The following CALN1 variants were observed in gnomAD, a reference collection of about 807,000 sequenced individuals.
CALN1 encodes calcium-binding protein 8.
Under a neutral mutation model 30.6 loss-of-function variants are expected in CALN1, and 17 were observed. The ratio of observed to expected loss-of-function variants is 0.56; its 90% CI spans 0.38 to 0.83. The LOEUF (loss-of-function observed/expected upper bound fraction) is 0.83, where lower values mean the gene tolerates loss of function less well. CALN1 is among the 40% of genes least tolerant of loss of function. CALN1 has a pLI of 0.00. For synonymous variants in CALN1, 156 were observed against 131.4 expected, an observed-to-expected ratio of 1.19 and a Z score of -1.28; for missense variants, 291 against 354.9, an observed-to-expected ratio of 0.82 and a Z score of 1.45.
intron 1 of CALN1, among the ~76,000 whole-genome samples, chr7:72,424,829 T>G (rs958145308): frequency 6.6e-6 from 1 of 152,098 alleles, no homozygotes; most frequent in African/African-American, 2.4e-5. Context: ...GCCCCTAGCC[T>G]CAAAAGATTC....
At chr7:72,229,265 T>TG (rs1793913010) in intron 3 of CALN1, among the ~76,000 whole-genome samples, 1 of 151,944 alleles carries the variant, frequency 6.6e-6, no homozygotes, top group Non-Finnish European at 1.5e-5. Context: ...GATCTTGAGA[T>TG]GGGGGTATTA....
intron 4 of CALN1, among the ~76,000 whole-genome samples, chr7:72,026,422 C>A (rs952374790): frequency 1.3e-5 from 2 of 152,020 alleles, no homozygotes; most frequent in Non-Finnish European, 2.9e-5. Flanking sequence ...CCCATCTCTA[C>A]AAAAAATACA....
intron 2 of CALN1, among the ~76,000 whole-genome samples, chr7:72,284,804 T>C (rs1294164724): frequency 1.3e-5 from 2 of 152,030 alleles, no homozygotes; most frequent in Non-Finnish European, 2.9e-5. Context: ...CTCTTTAAAG[T>C]TATACAGATA....
intron 2 of CALN1, among the ~76,000 whole-genome samples, chr7:72,356,720 T>C (rs118133793): frequency 0.014 from 2,097 of 152,092 alleles, 22 homozygotes; most frequent in Middle Eastern, 0.024. Flanking sequence ...CTGATTGACA[T>C]AGTAAATAAT....
chr7:72,322,780 ATTTAAT>A (rs1330849567), intron 2 of CALN1, among the ~76,000 whole-genome samples: 1 of 151,960 alleles, frequency 6.6e-6, no homozygotes, highest in Non-Finnish European at 1.5e-5. Context: ...GTCAAAAATA[ATTTAAT>A]TTTAAATTTA....
chr7:72,335,778 G>T (rs868549543), intron 2 of CALN1, among the ~76,000 whole-genome samples: 1 of 152,198 alleles, frequency 6.6e-6, no homozygotes, highest in Non-Finnish European at 1.5e-5. Context: ...TGGCCCGGGC[G>T]CACGTGGCCC....
intron 3 of CALN1, among the ~76,000 whole-genome samples, chr7:72,184,449 T>G (rs1312331854): frequency 1.3e-5 from 2 of 152,252 alleles, no homozygotes; most frequent in African/African-American, 4.8e-5. Flanking sequence ...CATATTTTTA[T>G]GTGTATAATT....
intron 4 of CALN1, among the ~76,000 whole-genome samples, chr7:72,076,946 C>CA (rs1484452894): frequency 6.6e-6 from 1 of 151,872 alleles, no homozygotes; most frequent in African/African-American, 2.4e-5. Context: ...TTTTTTGAGA[C>CA]AGAGTCTTGC....
chr7:71,795,970 C>T (rs1442291667), intron 6 of CALN1, among the ~76,000 whole-genome samples: 1 of 151,098 alleles, frequency 6.6e-6, no homozygotes, highest in Non-Finnish European at 1.5e-5. Context: ...AGGCACCCGC[C>T]ACCACACCCG....
intron 3 of CALN1, among the ~76,000 whole-genome samples, chr7:72,274,017 C>A (rs1258942967): frequency 6.6e-6 from 1 of 151,574 alleles, no homozygotes; most frequent in Non-Finnish European, 1.5e-5. Context: ...AATTTATGAC[C>A]AGAAACAGAA....
At chr7:72,366,596 C>T (rs949511026) in intron 2 of CALN1, among the ~76,000 whole-genome samples, 6 of 152,184 alleles carry the variant, frequency 3.9e-5, no homozygotes, top group Admixed American at 1.3e-4. Flanking sequence ...GAGCAATGTA[C>T]ATTGTACCTA....
intron 5 of CALN1, among the ~76,000 whole-genome samples, chr7:71,917,315 A>G (rs1794730576): frequency 6.6e-6 from 1 of 152,198 alleles, no homozygotes; most frequent in African/African-American, 2.4e-5. Flanking sequence ...ACAAATGTTC[A>G]GTTGGAAGAT....
chr7:72,307,440 G>C (rs962702871), intron 2 of CALN1, among the ~76,000 whole-genome samples: 1 of 152,254 alleles, frequency 6.6e-6, no homozygotes, highest in South Asian at 2.1e-4. Flanking sequence ...CCGTCTGGCC[G>C]CAAGAGAGGT....
At chr7:72,475,575 C>T in the CALN1 span, among the ~76,000 whole-genome samples, 1 of 152,218 alleles carries the variant, frequency 6.6e-6, no homozygotes, top group African/African-American at 2.4e-5. Flanking sequence ...TTTAATTGTT[C>T]CTCTACCCTA....
At chr7:71,925,545 G>T (rs1404268483) in intron 5 of CALN1, among the ~76,000 whole-genome samples, 1 of 149,288 alleles carries the variant, frequency 6.7e-6, no homozygotes, top group African/African-American at 2.5e-5. Context: ...TTTGTCTTTA[G>T]TTTTAAAAAA....
chr7:71,885,001 AC>A (rs1452796951), intron 5 of CALN1, among the ~76,000 whole-genome samples: 1 of 152,142 alleles, frequency 6.6e-6, no homozygotes, highest in Non-Finnish European at 1.5e-5. Context: ...CTTTATCTTA[AC>A]CTGAACATTC....
At chr7:71,958,902 G>A (rs1459134659) in intron 5 of CALN1, among the ~76,000 whole-genome samples, 1 of 152,166 alleles carries the variant, frequency 6.6e-6, no homozygotes, top group Non-Finnish European at 1.5e-5. Context: ...GTTCTTTCTT[G>A]ACTGACAGAT....
At chr7:72,234,431 C>CTT (rs775155407) in intron 3 of CALN1, among the ~76,000 whole-genome samples, 1 of 151,948 alleles carries the variant, frequency 6.6e-6, no homozygotes, top group Admixed American at 6.6e-5. Context: ...GTCCACTTGT[C>CTT]TTTTTTTGTT....
At chr7:72,000,387 A>T (rs909405648) in intron 5 of CALN1, among the ~76,000 whole-genome samples, 12 of 151,786 alleles carry the variant, frequency 7.9e-5, no homozygotes, top group Non-Finnish European at 1.5e-4. Context: ...GAATAGGGGA[A>T]TACTATGAAT....
Sources: allele counts gnomAD v4.1 joint callset (sites outside exome capture counted in the v4.1 genomes callset), GRCh38; gene constraint gnomAD v4.1.1; transcripts MANE v1.5; gene names NCBI Gene and HGNC (gene_info 2026-07-23, HGNC 2026-07-21).